Variants in ZFPM2 observed in about 807,000 individuals in gnomAD.
ZFPM2 encodes zinc finger protein ZFPM2.
ZFPM2 carries 20 observed loss-of-function variants against 98.6 expected under a neutral mutation model. The observed-to-expected ratio is 0.20, with a 90% confidence interval of 0.14 to 0.29. ZFPM2 has a LOEUF of 0.29. Among genes scored for constraint, ZFPM2 ranks in the 10% least tolerant of loss-of-function variants. The pLI, the probability that ZFPM2 is intolerant of heterozygous loss-of-function variation, is 1.00. For synonymous variants in ZFPM2, 518 were observed against 502.7 expected (o/e 1.03, Z -0.41); for missense variants, 1,310 against 1,388.6 (o/e 0.94, Z 0.90).
chr8:105,584,283 A>T (rs1452168789), intron 4 of ZFPM2, among the ~76,000 whole-genome samples: 2 of 148,316 alleles, frequency 1.3e-5, no homozygotes, highest in African/African-American at 2.6e-5. Context: ...CTTTTATTTT[A>T]TTTTTTTTCT....
chr8:105,408,682 ATTT>A (rs61304474), intron 1 of ZFPM2, among the ~76,000 whole-genome samples: 2 of 150,136 alleles, frequency 1.3e-5, no homozygotes, highest in African/African-American at 4.9e-5. Flanking sequence ...TTATGTGAGG[ATTT>A]TTTTTTTCTG....
chr8:105,518,886 C>A (rs1813992885), intron 3 of ZFPM2, among the ~76,000 whole-genome samples: 1 of 152,100 alleles, frequency 6.6e-6, no homozygotes, highest in South Asian at 2.1e-4. Context: ...GACAATTGTG[C>A]AAACATTTAA....
chr8:105,696,330 C>G (rs73305006), intron 5 of ZFPM2, among the ~76,000 whole-genome samples: 1 of 152,070 alleles, frequency 6.6e-6, no homozygotes, highest in East Asian at 1.9e-4. Flanking sequence ...CTTATATGAT[C>G]GTGGACATCC....
intron 1 of ZFPM2, among the ~76,000 whole-genome samples, chr8:105,386,130 A>T (rs1056118331): frequency 6.6e-6 from 1 of 152,206 alleles, no homozygotes; most frequent in Non-Finnish European, 1.5e-5. Context: ...CAGGAGGGCT[A>T]GAGAATTAGA....
intron 3 of ZFPM2, among the ~76,000 whole-genome samples, chr8:105,558,795 A>T (rs1815059310): frequency 6.6e-6 from 1 of 152,124 alleles, no homozygotes; most frequent in African/African-American, 2.4e-5. Context: ...AAAAAAGCAA[A>T]TTATTTGGGT....
At chr8:105,752,932 T>A (rs766754433) in intron 5 of ZFPM2, among the ~76,000 whole-genome samples, 1 of 152,126 alleles carries the variant, frequency 6.6e-6, no homozygotes, top group Non-Finnish European at 1.5e-5. Context: ...TTTCTTATAA[T>A]TGGGGAGAGG....
chr8:105,369,880 A>C (rs1352339403), intron 1 of ZFPM2, among the ~76,000 whole-genome samples: 2 of 152,208 alleles, frequency 1.3e-5, no homozygotes, highest in Non-Finnish European at 2.9e-5. Flanking sequence ...ACTGAAGAGC[A>C]TGAATACACA....
chr8:105,444,440 C>CT, intron 3 of ZFPM2, 59 bp downstream of exon 3: 3 of 1,359,008 alleles, frequency 2.2e-6, no homozygotes, highest in South Asian at 1.5e-5. Flanking sequence ...ACACATTTTT[C>CT]TTTTTTTCTT....
intron 1 of ZFPM2, among the ~76,000 whole-genome samples, chr8:105,369,584 C>CTACGTCT (rs1810578262): frequency 2.0e-5 from 3 of 152,064 alleles, no homozygotes; most frequent in Admixed American, 2.0e-4. Context: ...ACGTAGGATT[C>CTACGTCT]AGTTATATTA....
intron 1 of ZFPM2, among the ~76,000 whole-genome samples, chr8:105,374,551 CAA>C (rs776320337): frequency 2.0e-4 from 30 of 151,904 alleles, no homozygotes; most frequent in Non-Finnish European, 3.7e-4. Context: ...ACACCCGGTG[CAA>C]TTTAAAATTT....
At chr8:105,767,951 T>C (rs1812891918) in intron 5 of ZFPM2, among the ~76,000 whole-genome samples, 1 of 151,952 alleles carries the variant, frequency 6.6e-6, no homozygotes, top group African/African-American at 2.4e-5. Flanking sequence ...ATTTATTGCT[T>C]TAGCATGTCC....
chr8:105,599,213 G>T (rs777241834), intron 4 of ZFPM2, among the ~76,000 whole-genome samples: 4 of 151,816 alleles, frequency 2.6e-5, no homozygotes, highest in Non-Finnish European at 5.9e-5. Flanking sequence ...TGTTTGATCC[G>T]TGTCCTTTTG....
intron 6 of ZFPM2, among the ~76,000 whole-genome samples, chr8:105,790,502 T>C (rs1813575853): frequency 6.6e-6 from 1 of 152,128 alleles, no homozygotes; most frequent in South Asian, 2.1e-4. Context: ...TGTAGCCTTG[T>C]AGTATAGTTT....
intron 5 of ZFPM2, among the ~76,000 whole-genome samples, chr8:105,680,816 A>G (rs1173571182): frequency 6.6e-6 from 1 of 152,160 alleles, no homozygotes; most frequent in Admixed American, 6.5e-5. Context: ...ATGAAACCAT[A>G]TAATTACTAT....
At chr8:105,534,959 C>T (rs1390136590) in intron 3 of ZFPM2, among the ~76,000 whole-genome samples, 1 of 152,130 alleles carries the variant, frequency 6.6e-6, no homozygotes, top group African/African-American at 2.4e-5. Flanking sequence ...TTTTCAGACA[C>T]TACTTACATT....
At chr8:105,671,433 A>G (rs1015297865) in intron 5 of ZFPM2, among the ~76,000 whole-genome samples, 7 of 151,844 alleles carry the variant, frequency 4.6e-5, no homozygotes, top group Admixed American at 2.6e-4. Context: ...ATTCTACAAC[A>G]TCTCGTGTTG....
intron 5 of ZFPM2, among the ~76,000 whole-genome samples, chr8:105,745,240 A>G (rs1812315875): frequency 6.6e-6 from 1 of 152,144 alleles, no homozygotes; most frequent in Admixed American, 6.6e-5. Flanking sequence ...ATAGTAAATT[A>G]GGTCAGTTTA....
rs780534248 is a variant in ZFPM2 at position 105,795,246 on chromosome 8, TTGTGTGTG to T, written c.740-3447_740-3440del. 8.5e-3 allele frequency among the ~76,000 whole-genome samples: 1,180 copies of T among 138,316 alleles called. 17 individuals carry two copies. Among genetic ancestry groups the T allele is most frequent in the African/African-American group, 0.024 (871 of 36,368 alleles). The allele number at this position is 138,316 out of a possible 152,430, so 90.7% of individuals were successfully genotyped here. On this transcript the variant is annotated intron_variant, in intron 6 of 7. Transcript: ENST00000407775. The stretch of plus-strand genomic sequence containing the variant: ...TTGGCTCCTCCCCCTCATTTTATCT[TTGTGTGTG>T]TGTGTGTGTGTGTGTGTGTGTGTGT...
intron 4 of ZFPM2, among the ~76,000 whole-genome samples, chr8:105,621,677 A>C (rs543595296): frequency 2.0e-5 from 3 of 152,186 alleles, no homozygotes; most frequent in Non-Finnish European, 2.9e-5. Flanking sequence ...ATCTATGTAT[A>C]TGCCATTTAG....
Sources: allele counts gnomAD v4.1 joint callset (sites outside exome capture counted in the v4.1 genomes callset), GRCh38; gene constraint gnomAD v4.1.1; transcripts MANE v1.5; gene names NCBI Gene and HGNC (gene_info 2026-07-23, HGNC 2026-07-21).